Variants in HPSE2 observed in about 807,000 individuals in gnomAD.
HPSE2 encodes the protein inactive heparanase-2.
A neutral mutation model predicts 60.5 loss-of-function variants in HPSE2; 38 were observed. The ratio of observed to expected loss-of-function variants is 0.63; its 90% CI spans 0.48 to 0.82. HPSE2 has a LOEUF of 0.82. HPSE2 is among the 40% of genes least tolerant of loss of function. The pLI is 0.00. For missense variants in HPSE2, 713 were observed against 740.4 expected (o/e 0.96, Z 0.43); for synonymous variants, 295 against 293.2 (o/e 1.01, Z -0.06).
At chr10:98,905,273 T>G (rs1250419672) in intron 3 of HPSE2, among the ~76,000 whole-genome samples, 1 of 151,768 alleles carries the variant, frequency 6.6e-6, no homozygotes, top group African/African-American at 2.4e-5. Context: ...ACTCATCATC[T>G]AGCATTAGGT....
chr10:99,288,472 G>C, the HPSE2 span, among the ~76,000 whole-genome samples: 1 of 152,070 alleles, frequency 6.6e-6, no homozygotes. Context: ...TTCTGAAAAA[G>C]AGTAAAAGGC....
At chr10:99,081,168 T>C (rs1156726679) in intron 3 of HPSE2, among the ~76,000 whole-genome samples, 1 of 152,128 alleles carries the variant, frequency 6.6e-6, no homozygotes, top group African/African-American at 2.4e-5. Context: ...GAAGGTAAAG[T>C]AAAAAACTGT....
intron 6 of HPSE2, among the ~76,000 whole-genome samples, chr10:98,657,459 C>T (rs1005191499): frequency 6.6e-6 from 1 of 152,138 alleles, no homozygotes; most frequent in African/African-American, 2.4e-5. Flanking sequence ...ACACCCCCCG[C>T]CCCAGTAGCT....
At position 98,614,961 on chromosome 10, in the gene HPSE2, G is replaced by A; in HGVS notation, c.1263C>T (p.His421=). The change falls in exon 9 of 12, where the codon CAC becomes CAT. Residue 421 remains histidine, a synonymous_variant. Coordinates refer to ENST00000370552, the MANE Select transcript of HPSE2 (RefSeq NM_021828.5). ...ANQGIDVVIR[H]SFFDHGYNHL... is the part of the protein sequence containing the mutation. The stretch of plus-strand genomic sequence containing the variant: ...GATTGTATCCATGGTCAAAAAATGA[G>A]TGCCGTATCACGACATCAATGCCCT... 6.2e-7 allele frequency: 1 copy of A among 1,614,086 alleles called. No individual in the cohort carries two copies. Among genetic ancestry groups the A allele is most frequent in the African/African-American group, 1.3e-5 (1 of 75,036 alleles).
chr10:98,697,691 C>A (rs900576353), intron 5 of HPSE2, among the ~76,000 whole-genome samples: 12 of 152,016 alleles, frequency 7.9e-5, no homozygotes. Context: ...AGATCAACCC[C>A]AAGACACGTA....
the HPSE2 span, among the ~76,000 whole-genome samples, chr10:99,274,322 T>C: frequency 0.016 from 2,511 of 152,254 alleles, 41 homozygotes; most frequent in Non-Finnish European, 0.024. Flanking sequence ...TGCTCCAGCC[T>C]GGGACTCTGT....
chr10:99,193,397 A>G (rs1848287647), intron 2 of HPSE2, among the ~76,000 whole-genome samples: 1 of 152,154 alleles, frequency 6.6e-6, no homozygotes, highest in South Asian at 2.1e-4. Flanking sequence ...TAGAAAACAC[A>G]TAACAAAATG....
chr10:98,749,373 T>C (rs1474137085), intron 3 of HPSE2, among the ~76,000 whole-genome samples: 1 of 151,670 alleles, frequency 6.6e-6, no homozygotes, highest in South Asian at 2.1e-4. Context: ...TGCATATATA[T>C]CTATATATAC....
chr10:98,558,291 A>G (rs75035117), intron 9 of HPSE2, among the ~76,000 whole-genome samples: 3,185 of 152,320 alleles, frequency 0.021, 94 homozygotes, highest in African/African-American at 0.071. Context: ...ATGTACGTAT[A>G]TGTTTACTAA....
At chr10:98,811,285 CAATTGT>C (rs1403663355) in intron 3 of HPSE2, among the ~76,000 whole-genome samples, 1 of 152,118 alleles carries the variant, frequency 6.6e-6, no homozygotes, top group Non-Finnish European at 1.5e-5. Context: ...ACACTCCTCA[CAATTGT>C]AATTACAGAG....
chr10:99,241,636 T>C, the HPSE2 span, among the ~76,000 whole-genome samples: 2 of 152,194 alleles, frequency 1.3e-5, no homozygotes, highest in Non-Finnish European at 2.9e-5. Context: ...CACATGCCTG[T>C]AGTCCAACCT....
intron 5 of HPSE2, among the ~76,000 whole-genome samples, chr10:98,706,132 C>G (rs1240912113): frequency 1.3e-5 from 2 of 152,038 alleles, no homozygotes; most frequent in East Asian, 3.9e-4. Flanking sequence ...GAGACTTGCT[C>G]AAATTCATGT....
chr10:99,213,494 CACCATTTTCTTTGAGACA>C (rs1411064415), intron 2 of HPSE2, among the ~76,000 whole-genome samples: 1 of 151,972 alleles, frequency 6.6e-6, no homozygotes, highest in Non-Finnish European at 1.5e-5. Context: ...AAACAAAAAA[CACCATTTTCTTTGAGACA>C]CCACACCCAC....
chr10:98,725,209 G>C (rs1418074073), intron 4 of HPSE2, among the ~76,000 whole-genome samples: 6 of 152,130 alleles, frequency 3.9e-5, no homozygotes, highest in Admixed American at 6.6e-5. Context: ...GAACAAAGCT[G>C]GAGGCATCAT....
the HPSE2 span, among the ~76,000 whole-genome samples, chr10:99,281,573 T>C: frequency 6.6e-6 from 1 of 152,106 alleles, no homozygotes; most frequent in Non-Finnish European, 1.5e-5. Flanking sequence ...ATTTGAATTA[T>C]TATCTATTTT....
At chr10:98,575,020 G>A (rs1944603518) in intron 9 of HPSE2, among the ~76,000 whole-genome samples, 1 of 152,040 alleles carries the variant, frequency 6.6e-6, no homozygotes, top group Admixed American at 6.6e-5. Flanking sequence ...ACCATTTCCT[G>A]GGAAAGCAGG....
intron 3 of HPSE2, among the ~76,000 whole-genome samples, chr10:99,043,256 G>A (rs868616406): frequency 2.6e-5 from 4 of 152,244 alleles, no homozygotes; most frequent in Middle Eastern, 3.4e-3. Flanking sequence ...AGGCCAAGGC[G>A]GGTGGATCAT....
chr10:98,800,341 C>T (rs1324609279), intron 3 of HPSE2, among the ~76,000 whole-genome samples: 2 of 150,906 alleles, frequency 1.3e-5, no homozygotes, highest in East Asian at 1.9e-4. Flanking sequence ...TGCACTCTAC[C>T]TGGATGACAG....
the HPSE2 span, among the ~76,000 whole-genome samples, chr10:99,308,379 C>CAAAAAAAAAAAAAAA: frequency 9.6e-4 from 27 of 28,116 alleles, no homozygotes; most frequent in African/African-American, 2.5e-3. Context: ...GACTCTGTCT[C>CAAAAAAAAAAAAAAA]AAAAAAAAAA....
Sources: gnomAD v4.1 joint callset for allele counts (sites outside exome capture counted in the v4.1 genomes callset) on GRCh38, gnomAD v4.1.1 for gene constraint, MANE v1.5 for transcripts, NCBI Gene and HGNC (gene_info 2026-07-23, HGNC 2026-07-21) for gene names.